The following ALK variants were observed in gnomAD, a reference collection of about 807,000 sequenced individuals.
ALK encodes the protein ALK receptor tyrosine kinase, also known as ALK tyrosine kinase receptor.
In ALK, 74 loss-of-function variants were observed where a neutral mutation model predicts 163.1. The ratio of observed to expected loss-of-function variants is 0.45; its 90% CI spans 0.38 to 0.55. The LOEUF is 0.55. Among genes scored for constraint, ALK ranks in the 20% least tolerant of loss-of-function variants. The pLI is 0.00. For synonymous variants in ALK, 960 were observed against 843.2 expected (o/e 1.14, Z -2.40); for missense variants, 2,063 against 2,105.3 (o/e 0.98, Z 0.39).
intron 1 of ALK, among the ~76,000 whole-genome samples, chr2:29,802,625 A>G (rs1228654262): frequency 6.8e-6 from 1 of 146,848 alleles, no homozygotes; most frequent in Admixed American, 7.0e-5. Context: ...GCCAAATCCC[A>G]AATCTATATT....
chr2:29,871,732 T>C (rs866909779), intron 1 of ALK, among the ~76,000 whole-genome samples: 5 of 152,088 alleles, frequency 3.3e-5, no homozygotes, highest in African/African-American at 1.2e-4. Flanking sequence ...CATCAGCAGC[T>C]CTATTTATTT....
chr2:29,831,103 AGG>A (rs1665388767), intron 1 of ALK, among the ~76,000 whole-genome samples: 1 of 50,544 alleles, frequency 2.0e-5, no homozygotes, highest in Non-Finnish European at 3.7e-5. Context: ...GAGGAGGAGG[AGG>A]AGGAGAAGAA....
chr2:29,468,388 C>T (rs901941515), intron 4 of ALK, among the ~76,000 whole-genome samples: 2 of 152,130 alleles, frequency 1.3e-5, no homozygotes, highest in Non-Finnish European at 2.9e-5. Flanking sequence ...CTGACCTAGA[C>T]CAATGCTGAG....
intron 4 of ALK, among the ~76,000 whole-genome samples, chr2:29,478,097 G>A (rs1263218830): frequency 1.3e-5 from 2 of 152,216 alleles, no homozygotes; most frequent in Non-Finnish European, 2.9e-5. Flanking sequence ...GCTTCTCAAA[G>A]CTCCCCAGGT....
intron 1 of ALK, among the ~76,000 whole-genome samples, chr2:29,750,334 C>T (rs1680322405): frequency 6.6e-6 from 1 of 152,082 alleles, no homozygotes; most frequent in Non-Finnish European, 1.5e-5. Flanking sequence ...AACTGTATAA[C>T]AATGGTATTT....
chr2:29,415,483 C>G (rs764981085), intron 4 of ALK, among the ~76,000 whole-genome samples: 40 of 152,206 alleles, frequency 2.6e-4, no homozygotes, highest in Non-Finnish European at 5.7e-4. Context: ...TCTTTCTATC[C>G]TTCTAGCATA....
chr2:29,620,146 C>T (rs1043361426), intron 3 of ALK, among the ~76,000 whole-genome samples: 1 of 152,178 alleles, frequency 6.6e-6, no homozygotes, highest in Non-Finnish European at 1.5e-5. Flanking sequence ...GTTAGGGCTA[C>T]TGTAAGGAAA....
At chr2:29,387,074 G>A (rs1446393881) in intron 4 of ALK, among the ~76,000 whole-genome samples, 1 of 152,146 alleles carries the variant, frequency 6.6e-6, no homozygotes, top group East Asian at 1.9e-4. Flanking sequence ...ATGTGTTGGG[G>A]ATTTGTGACT....
chr2:29,712,911 G>C (rs954848019), intron 2 of ALK, among the ~76,000 whole-genome samples: 1 of 152,142 alleles, frequency 6.6e-6, no homozygotes, highest in Non-Finnish European at 1.5e-5. Flanking sequence ...TGGACATTAG[G>C]GGGCTGGATC....
At chr2:29,505,899 A>G in intron 4 of ALK, among the ~76,000 whole-genome samples, 1 of 152,098 alleles carries the variant, frequency 6.6e-6, no homozygotes, top group East Asian at 1.9e-4. Flanking sequence ...CAGGCCTGAC[A>G]TAATGTAAGT....
intron 4 of ALK, among the ~76,000 whole-genome samples, chr2:29,392,979 A>AGTTCAAGGTCACTGAGT (rs1669213687): frequency 6.6e-6 from 1 of 151,506 alleles, no homozygotes; most frequent in Admixed American, 6.6e-5. Context: ...GATCACTCAA[A>AGTTCAAGGTCACTGAGT]GTTCAAGGTC....
At chr2:29,599,362 G>A (rs1675312532) in intron 3 of ALK, among the ~76,000 whole-genome samples, 2 of 152,204 alleles carry the variant, frequency 1.3e-5, no homozygotes, top group South Asian at 2.1e-4. Flanking sequence ...TAACTGCCAG[G>A]AGTAGGATGG....
At chr2:29,472,240 A>C (rs530723323) in intron 4 of ALK, among the ~76,000 whole-genome samples, 1 of 152,344 alleles carries the variant, frequency 6.6e-6, no homozygotes, top group African/African-American at 2.4e-5. Flanking sequence ...ACAAGCTTTC[A>C]AATGATTCCA....
At chr2:29,850,322 A>G (rs1440904611) in intron 1 of ALK, among the ~76,000 whole-genome samples, 3 of 152,184 alleles carry the variant, frequency 2.0e-5, no homozygotes, top group Non-Finnish European at 2.9e-5. Flanking sequence ...AGGCGGGGGC[A>G]CTTCCGGGTG....
At chr2:29,491,241 A>G (rs1416577131) in intron 4 of ALK, among the ~76,000 whole-genome samples, 1 of 152,232 alleles carries the variant, frequency 6.6e-6, no homozygotes, top group Non-Finnish European at 1.5e-5. Flanking sequence ...TTAGTCAGAT[A>G]TGGAGTGTGG....
chr2:29,452,338 T>TG (rs1382061287), intron 4 of ALK, among the ~76,000 whole-genome samples: 3 of 151,916 alleles, frequency 2.0e-5, no homozygotes, highest in African/African-American at 7.3e-5. Flanking sequence ...TTTTGTTTTT[T>TG]TTTTTTTTTT....
chr2:29,836,600 C>T (rs1246955040), intron 1 of ALK, among the ~76,000 whole-genome samples: 1 of 152,184 alleles, frequency 6.6e-6, no homozygotes, highest in Admixed American at 6.5e-5. Context: ...GTAATATCAC[C>T]TTAAGCCAGA....
chr2:29,840,274 G>T (rs926636384), intron 1 of ALK, among the ~76,000 whole-genome samples: 2 of 152,136 alleles, frequency 1.3e-5, no homozygotes, highest in African/African-American at 2.4e-5. Context: ...ATTTAACGTG[G>T]TATCTGGCAA....
At chr2:29,410,811 G>A (rs1405377059) in intron 4 of ALK, among the ~76,000 whole-genome samples, 2 of 152,176 alleles carry the variant, frequency 1.3e-5, no homozygotes, top group African/African-American at 4.8e-5. Context: ...TGGTGAGTGA[G>A]GGTGAAGGCC....
Sources: gnomAD v4.1 joint callset for allele counts (sites outside exome capture counted in the v4.1 genomes callset) on GRCh38, gnomAD v4.1.1 for gene constraint, MANE v1.5 for transcripts, NCBI Gene and HGNC (gene_info 2026-07-23, HGNC 2026-07-21) for gene names.